Variants in PATJ observed in about 807,000 individuals in gnomAD.
The protein encoded by PATJ is PATJ crumbs cell polarity complex component.
In PATJ, 190 loss-of-function variants were observed where a neutral mutation model predicts 224.9. The observed-to-expected ratio is 0.84, with a 90% confidence interval of 0.75 to 0.95. The LOEUF is 0.95. PATJ is among the 40% of genes least tolerant of loss of function. The probability of loss-of-function intolerance (pLI) is 0.00; values close to 1 mark genes in which losing one functional copy is unlikely to be tolerated. For missense variants in PATJ, 2,121 were observed against 2,270.3 expected (o/e 0.93, Z 1.34); for synonymous variants, 769 against 820.3 (o/e 0.94, Z 1.07).
chr1:62,155,671 A>G (rs2149057326), intron 43 of PATJ, among the ~76,000 whole-genome samples: 1 of 148,420 alleles, frequency 6.7e-6, no homozygotes, highest in South Asian at 2.1e-4. Context: ...TGGCACACCT[A>G]AAAATGAAAA....
intron 32 of PATJ, 59 bp from the exon 33 acceptor site, chr1:62,084,456 C>T (rs571136512): frequency 1.4e-5 from 22 of 1,547,198 alleles, no homozygotes; most frequent in East Asian, 4.6e-5. Context: ...CGTGATGGAA[C>T]GTGCAGGCTG....
intron 28 of PATJ, among the ~76,000 whole-genome samples, chr1:61,998,830 C>G (rs1569857665): frequency 6.6e-6 from 1 of 152,076 alleles, no homozygotes; most frequent in African/African-American, 2.4e-5. Flanking sequence ...ATTTTTGTTT[C>G]TGACTATGGC....
intron 28 of PATJ, among the ~76,000 whole-genome samples, chr1:61,997,398 G>A (rs1410676400): frequency 6.6e-6 from 1 of 152,134 alleles, no homozygotes; most frequent in African/African-American, 2.4e-5. Context: ...CAGTCCTCTG[G>A]TCATTACAGC....
rs1239003900 is a variant in PATJ, at chr1:61,771,572, C to A, written c.666C>A (p.Val222=). Residue 222 remains valine, a synonymous_variant, in exon 6 of 44, where the codon GTC becomes GTA. Transcript: ENST00000642238. The part of the protein sequence containing the change: ...SLRLIVAREP[V]HTKSSTSSSL... ...GACTGATTGTGGCCAGGGAACCAGT[C>A]CACACAAAAAGCAGTACTTCTAGCA... The A allele has an allele frequency of 6.2e-7, 1 of 1,611,310 alleles. No homozygotes were observed. Among genetic ancestry groups the A allele is most frequent in the East Asian group, 2.2e-5 (1 of 44,790 alleles).
At chr1:61,918,601 G>A (rs1330713590) in intron 26 of PATJ, among the ~76,000 whole-genome samples, 35 of 151,654 alleles carry the variant, frequency 2.3e-4, no homozygotes, top group Admixed American at 1.7e-3. Flanking sequence ...CTGAGCCACC[G>A]TGCCCAGCCA....
chr1:61,755,869 T>G, intron 1 of PATJ, among the ~76,000 whole-genome samples: 1 of 152,220 alleles, frequency 6.6e-6, no homozygotes, highest in South Asian at 2.1e-4. Flanking sequence ...TGGCATGATC[T>G]CGGCTCACCG....
At chr1:61,793,594 T>C (rs1267545054) in intron 9 of PATJ, among the ~76,000 whole-genome samples, 3 of 151,064 alleles carry the variant, frequency 2.0e-5, no homozygotes, top group Non-Finnish European at 4.4e-5. Context: ...TAAAAAAAAA[T>C]TGTAGCCGCA....
chr1:61,980,836 A>C (rs1644415212), intron 27 of PATJ, among the ~76,000 whole-genome samples: 1 of 152,038 alleles, frequency 6.6e-6, no homozygotes, highest in Non-Finnish European at 1.5e-5. Context: ...TTTCTCTCTT[A>C]AGTTTTGAAT....
chr1:61,813,666 C>T (rs531792147), intron 14 of PATJ, among the ~76,000 whole-genome samples: 2 of 151,750 alleles, frequency 1.3e-5, no homozygotes, highest in African/African-American at 2.4e-5. Context: ...TAAGTTATAC[C>T]GTATAGGTGA....
chr1:61,864,203 G>T, intron 19 of PATJ, 35 bp from the exon 20 acceptor site: 1 of 1,546,432 alleles, frequency 6.5e-7, no homozygotes, highest in Non-Finnish European at 8.7e-7. Flanking sequence ...CAGGACAGGC[G>T]TAACTTCACA....
At chr1:61,806,083 T>C (rs1653481236) in intron 13 of PATJ, among the ~76,000 whole-genome samples, 13 of 152,340 alleles carry the variant, frequency 8.5e-5, no homozygotes, top group South Asian at 8.3e-4. Flanking sequence ...ATTCATTGAG[T>C]AAGGGACTGA....
chr1:61,944,726 C>T (rs969831472), intron 27 of PATJ, among the ~76,000 whole-genome samples: 3 of 152,094 alleles, frequency 2.0e-5, no homozygotes, highest in Admixed American at 2.0e-4. Context: ...ATACAGAGAA[C>T]ACCACAAAGA....
intron 31 of PATJ, among the ~76,000 whole-genome samples, chr1:62,074,897 G>A (rs890659507): frequency 6.6e-6 from 1 of 152,172 alleles, no homozygotes; most frequent in Non-Finnish European, 1.5e-5. Flanking sequence ...CCAGGAGGCG[G>A]AGGTTGCAGT....
intron 26 of PATJ, among the ~76,000 whole-genome samples, chr1:61,917,371 T>TA (rs1474266000): frequency 6.6e-6 from 1 of 152,200 alleles, no homozygotes; most frequent in African/African-American, 2.4e-5. Flanking sequence ...GTTAAGGAAA[T>TA]ACTCTCTTTC....
intron 27 of PATJ, among the ~76,000 whole-genome samples, chr1:61,989,376 A>T (rs988059862): frequency 2.0e-5 from 3 of 152,216 alleles, no homozygotes; most frequent in Non-Finnish European, 4.4e-5. Flanking sequence ...TTAGATATTG[A>T]GTAAATGGTA....
intron 31 of PATJ, among the ~76,000 whole-genome samples, chr1:62,056,979 A>G (rs1305745069): frequency 1.3e-5 from 2 of 152,070 alleles, no homozygotes; most frequent in Non-Finnish European, 2.9e-5. Flanking sequence ...GGCATGCGCC[A>G]CCAGGCCCGG....
At chr1:61,748,542 C>T (rs1645152422) in intron 1 of PATJ, among the ~76,000 whole-genome samples, 1 of 152,102 alleles carries the variant, frequency 6.6e-6, no homozygotes, top group South Asian at 2.1e-4. Flanking sequence ...AGGCGTGAGC[C>T]ACTGCGCCTG....
chr1:62,023,626 C>T (rs1005888432), intron 29 of PATJ, among the ~76,000 whole-genome samples: 1 of 152,140 alleles, frequency 6.6e-6, no homozygotes, highest in African/African-American at 2.4e-5. Flanking sequence ...GAGAAAGATG[C>T]TTAGGCTAAG....
At chr1:62,118,681 GTGCAA>G (rs1664719948) in intron 37 of PATJ, among the ~76,000 whole-genome samples, 1 of 152,096 alleles carries the variant, frequency 6.6e-6, no homozygotes, top group Non-Finnish European at 1.5e-5. Flanking sequence ...CCAGGTTGGA[GTGCAA>G]TGGCGCGATC....
Sources: gnomAD v4.1 joint callset for allele counts (sites outside exome capture counted in the v4.1 genomes callset) on GRCh38, gnomAD v4.1.1 for gene constraint, MANE v1.5 for transcripts, NCBI Gene and HGNC (gene_info 2026-07-23, HGNC 2026-07-21) for gene names.